Variants in HEMK2 observed in about 807,000 individuals in gnomAD.
The protein encoded by HEMK2 is methyltransferase HEMK2.
the HEMK2 span, among the ~76,000 whole-genome samples, chr21:28,696,441 A>C: frequency 1.3e-5 from 2 of 152,356 alleles, no homozygotes; most frequent in South Asian, 4.1e-4. Flanking sequence ...TCTCGCATCC[A>C]GGTTGCACTG....
At chr21:28,700,368 G>T in the HEMK2 span, among the ~76,000 whole-genome samples, 2 of 151,854 alleles carry the variant, frequency 1.3e-5, no homozygotes, top group Non-Finnish European at 2.9e-5. Context: ...AAAACAAGGG[G>T]AATTATTAAG....
At chr21:28,597,392 G>C in the HEMK2 span, among the ~76,000 whole-genome samples, 1 of 152,220 alleles carries the variant, frequency 6.6e-6, no homozygotes, top group African/African-American at 2.4e-5. Flanking sequence ...CACCATTGTA[G>C]AAAGTCTTAT....
At chr21:28,817,997 CTGAG>C in the HEMK2 span, among the ~76,000 whole-genome samples, 3 of 152,170 alleles carry the variant, frequency 2.0e-5, no homozygotes, top group East Asian at 5.8e-4. Context: ...ATGGTTAATA[CTGAG>C]TGTCAACTTA....
chr21:28,864,283 G>C, the HEMK2 span, among the ~76,000 whole-genome samples: 1 of 152,184 alleles, frequency 6.6e-6, no homozygotes, highest in Non-Finnish European at 1.5e-5. Context: ...GAGAGAGAGA[G>C]AGCTATAAAA....
chr21:28,631,444 T>C, the HEMK2 span, among the ~76,000 whole-genome samples: 1 of 152,328 alleles, frequency 6.6e-6, no homozygotes, highest in South Asian at 2.1e-4. Context: ...TTTTTAAAAA[T>C]ACATATTCTA....
chr21:28,873,787 C>G, the HEMK2 span: 1 of 152,206 alleles, frequency 6.6e-6, no homozygotes, highest in Non-Finnish European at 1.5e-5. Flanking sequence ...GGCTGAGGAG[C>G]AGTCTTAAAC....
the HEMK2 span, among the ~76,000 whole-genome samples, chr21:28,804,188 C>CT: frequency 6.6e-6 from 1 of 151,966 alleles, no homozygotes; most frequent in African/African-American, 2.4e-5. Context: ...TATGAAAAAC[C>CT]TTTTTCCCAT....
chr21:28,739,062 A>G, the HEMK2 span, among the ~76,000 whole-genome samples: 1 of 152,226 alleles, frequency 6.6e-6, no homozygotes, highest in Admixed American at 6.5e-5. Flanking sequence ...CCAGAAGCTC[A>G]TGTGTACTTA....
the HEMK2 span, among the ~76,000 whole-genome samples, chr21:28,626,139 A>G: frequency 6.6e-6 from 1 of 152,178 alleles, no homozygotes; most frequent in Non-Finnish European, 1.5e-5. Context: ...AAAGAAAAAA[A>G]AAAGCATTAA....
chr21:28,774,349 G>A, the HEMK2 span, among the ~76,000 whole-genome samples: 2 of 152,108 alleles, frequency 1.3e-5, no homozygotes, highest in Non-Finnish European at 2.9e-5. Flanking sequence ...CAGCATTCTG[G>A]GGGCTAAGGT....
the HEMK2 span, among the ~76,000 whole-genome samples, chr21:28,865,248 C>T: frequency 6.6e-6 from 1 of 152,212 alleles, no homozygotes; most frequent in African/African-American, 2.4e-5. Context: ...TCACTGCAAC[C>T]TCCGCCTCCT....
chr21:28,837,527 C>G, the HEMK2 span, among the ~76,000 whole-genome samples: 1 of 152,156 alleles, frequency 6.6e-6, no homozygotes, highest in African/African-American at 2.4e-5. Context: ...ATCAAAACCT[C>G]TGGGATACAG....
At chr21:28,596,174 A>G in the HEMK2 span, among the ~76,000 whole-genome samples, 2,690 of 151,480 alleles carry the variant, frequency 0.018, 104 homozygotes, top group African/African-American at 0.063. Flanking sequence ...CCGCCACCAC[A>G]CCTGGCTAAT....
the HEMK2 span, among the ~76,000 whole-genome samples, chr21:28,673,752 C>A: frequency 1.9e-5 from 2 of 104,906 alleles, no homozygotes; most frequent in Admixed American, 9.4e-5. Flanking sequence ...ATATAACCCA[C>A]ATATATGGTC....
the HEMK2 span, among the ~76,000 whole-genome samples, chr21:28,857,450 A>G: frequency 6.6e-6 from 1 of 151,628 alleles, no homozygotes; most frequent in Non-Finnish European, 1.5e-5. Flanking sequence ...TCTTTTCTGT[A>G]TAACTTTTTT....
At chr21:28,632,349 A>T in the HEMK2 span, among the ~76,000 whole-genome samples, 2 of 152,230 alleles carry the variant, frequency 1.3e-5, no homozygotes, top group Non-Finnish European at 2.9e-5. Flanking sequence ...CTTTTATCAG[A>T]GTAAGAACTC....
chr21:28,802,876 T>G, the HEMK2 span, among the ~76,000 whole-genome samples: 19 of 152,236 alleles, frequency 1.2e-4, no homozygotes, highest in African/African-American at 4.3e-4. Flanking sequence ...TTATGACTGA[T>G]CAACAAAGGA....
At chr21:28,676,795 A>T in the HEMK2 span, among the ~76,000 whole-genome samples, 43 of 152,228 alleles carry the variant, frequency 2.8e-4, no homozygotes, top group South Asian at 8.9e-3. Flanking sequence ...TCACCCTTCA[A>T]ATTGTCTGTG....
the HEMK2 span, among the ~76,000 whole-genome samples, chr21:28,621,167 T>C: frequency 1.7e-4 from 26 of 152,292 alleles, no homozygotes; most frequent in African/African-American, 6.3e-4. Context: ...AGGGTGTCGA[T>C]TTTAGATCTT....
Sources: allele counts gnomAD v4.1 joint callset (sites outside exome capture counted in the v4.1 genomes callset), GRCh38; gene constraint gnomAD v4.1.1; transcripts MANE v1.5; gene names NCBI Gene and HGNC (gene_info 2026-07-23, HGNC 2026-07-21).